CTIF: variants seen among roughly 807,000 people sequenced by gnomAD.
CTIF encodes the protein CBP80/20-dependent translation initiation factor.
A neutral mutation model predicts 66.0 loss-of-function variants in CTIF; 21 were observed. The ratio of observed to expected loss-of-function variants is 0.32; its 90% CI spans 0.23 to 0.46. The LOEUF (loss-of-function observed/expected upper bound fraction) is 0.46, where lower values mean the gene tolerates loss of function less well. Ranked by LOEUF, CTIF falls within the 20% of genes least tolerant of loss-of-function variation. CTIF has a pLI of 1.00. For missense variants in CTIF, 739 were observed against 812.7 expected (o/e 0.91, Z 1.10); for synonymous variants, 345 against 326.4 (o/e 1.06, Z -0.62).
chr18:48,539,404 T>G (rs1397283780), intron 1 of CTIF, 92 bp downstream of exon 1: 2 of 152,148 alleles, frequency 1.3e-5, no homozygotes, highest in African/African-American at 4.8e-5. Flanking sequence ...GACGTGGGCG[T>G]GCTTATAGAT....
At chr18:48,773,625 GAGCAGGCTTCCCCAGGGGTACAT>G (rs1039618956) in intron 9 of CTIF, among the ~76,000 whole-genome samples, 3 of 152,204 alleles carry the variant, frequency 2.0e-5, no homozygotes, top group African/African-American at 7.2e-5. Context: ...GCCCCTGGGT[GAGCAGGCTTCCCCAGGGGTACAT>G]AGCCTGCATT....
chr18:48,757,901 T>A lies in CTIF; in HGVS notation c.585-18T>A. On this transcript the variant is annotated intron_variant, in intron 7 of 11. Transcript: ENST00000256413. The stretch of plus-strand genomic sequence containing the variant: ...CGCCCAGTGATCGCCTTCTCTGTCT[T>A]TCCTCTTCCGTTTGCAGGCGGCAGC... 6.2e-7 allele frequency: 1 copy of A among 1,603,150 alleles called. No individual in the cohort carries two copies. The highest frequency in any genetic ancestry group is 8.5e-7 in the Non-Finnish European group (1 of 1,173,580).
chr18:48,621,613 G>A, intron 2 of CTIF: 1 of 355,718 alleles, frequency 2.8e-6, no homozygotes, highest in Non-Finnish European at 5.4e-6. Context: ...GGGATGGGGA[G>A]ACTGCCTTGC....
At chr18:48,648,502 C>A in intron 3 of CTIF, among the ~76,000 whole-genome samples, 1 of 152,204 alleles carries the variant, frequency 6.6e-6, no homozygotes, top group Admixed American at 6.5e-5. Flanking sequence ...CACACACACA[C>A]AAACACACAC....
At chr18:48,638,982 C>T (rs184511736) in intron 3 of CTIF, among the ~76,000 whole-genome samples, 4 of 152,300 alleles carry the variant, frequency 2.6e-5, no homozygotes, top group Non-Finnish European at 4.4e-5. Context: ...CTGCGGTGGC[C>T]GACTGATCAT....
chr18:48,598,715 A>G (rs140297453), intron 1 of CTIF, among the ~76,000 whole-genome samples: 1 of 152,288 alleles, frequency 6.6e-6, no homozygotes, highest in Non-Finnish European at 1.5e-5. Flanking sequence ...CTATAACAGC[A>G]CGCAGGGCAA....
intron 10 of CTIF, among the ~76,000 whole-genome samples, chr18:48,819,642 G>A (rs1338946996): frequency 6.6e-6 from 1 of 152,234 alleles, no homozygotes; most frequent in African/African-American, 2.4e-5. Flanking sequence ...CTTGTTGGAT[G>A]CATTCAAATT....
intron 1 of CTIF, among the ~76,000 whole-genome samples, chr18:48,578,485 T>G (rs1599174546): frequency 6.6e-6 from 1 of 152,174 alleles, no homozygotes; most frequent in African/African-American, 2.4e-5. Context: ...TCACCAACAC[T>G]TGTTATTATG....
At chr18:48,815,619 C>T (rs1330734670) in intron 9 of CTIF, among the ~76,000 whole-genome samples, 1 of 152,226 alleles carries the variant, frequency 6.6e-6, no homozygotes, top group East Asian at 1.9e-4. Context: ...AAAGCTGGCA[C>T]TGCAGGGCTT....
intron 10 of CTIF, among the ~76,000 whole-genome samples, chr18:48,840,344 G>T (rs1319577866): frequency 1.3e-5 from 2 of 152,096 alleles, no homozygotes; most frequent in Non-Finnish European, 2.9e-5. Flanking sequence ...GCCAGGCTAA[G>T]CCCTCATCCC....
chr18:48,596,694 T>C (rs1441458524), intron 1 of CTIF, among the ~76,000 whole-genome samples: 2 of 152,028 alleles, frequency 1.3e-5, no homozygotes, highest in African/African-American at 2.4e-5. Flanking sequence ...GCCAGGATGG[T>C]CTCCATCTTC....
At chr18:48,645,402 T>C (rs1247484016) in intron 3 of CTIF, among the ~76,000 whole-genome samples, 1 of 151,966 alleles carries the variant, frequency 6.6e-6, no homozygotes, top group Non-Finnish European at 1.5e-5. Flanking sequence ...AAAAAACTTT[T>C]CGACTGTCAC....
At chr18:48,821,722 C>T (rs1268183889) in intron 10 of CTIF, among the ~76,000 whole-genome samples, 1 of 152,234 alleles carries the variant, frequency 6.6e-6, no homozygotes, top group African/African-American at 2.4e-5. Flanking sequence ...GATTATTGGT[C>T]ATCTGTAGCT....
intron 1 of CTIF, among the ~76,000 whole-genome samples, chr18:48,552,505 G>A (rs2088908138): frequency 6.6e-6 from 1 of 152,156 alleles, no homozygotes; most frequent in African/African-American, 2.4e-5. Flanking sequence ...TCTGGTGAAG[G>A]CTCAATTTTT....
At chr18:48,721,612 G>A (rs2092336478) in intron 7 of CTIF, among the ~76,000 whole-genome samples, 1 of 152,168 alleles carries the variant, frequency 6.6e-6, no homozygotes, top group Admixed American at 6.5e-5. Context: ...CTTGGGCCCT[G>A]GACAAACCAT....
intron 9 of CTIF, among the ~76,000 whole-genome samples, chr18:48,777,039 G>A (rs560781018): frequency 2.2e-4 from 33 of 152,346 alleles, no homozygotes; most frequent in African/African-American, 6.7e-4. Context: ...AAGCAGATGC[G>A]CTAGGCAAAC....
chr18:48,713,577 A>G (rs887229356), intron 7 of CTIF, among the ~76,000 whole-genome samples: 5 of 152,060 alleles, frequency 3.3e-5, no homozygotes, highest in Admixed American at 6.5e-5. Context: ...CTCCCAAAGG[A>G]TGTGGACGGG....
intron 1 of CTIF, among the ~76,000 whole-genome samples, chr18:48,600,857 C>T (rs1026994651): frequency 6.6e-6 from 1 of 152,124 alleles, no homozygotes; most frequent in Non-Finnish European, 1.5e-5. Flanking sequence ...CCTGAGTAGC[C>T]TCCTGCTACA....
intron 1 of CTIF, among the ~76,000 whole-genome samples, chr18:48,573,873 TGCCTCTGGCC>T (rs1351022697): frequency 1.3e-5 from 2 of 152,238 alleles, no homozygotes; most frequent in Non-Finnish European, 1.5e-5. Context: ...CTGCTCACCA[TGCCTCTGGCC>T]GCCTCTGTAT....
Sources: gnomAD v4.1 joint callset for allele counts (sites outside exome capture counted in the v4.1 genomes callset) on GRCh38, gnomAD v4.1.1 for gene constraint, MANE v1.5 for transcripts, NCBI Gene and HGNC (gene_info 2026-07-23, HGNC 2026-07-21) for gene names.